The following MTERF4 variants were observed in gnomAD, a reference collection of about 807,000 sequenced individuals.
The protein encoded by MTERF4 is mitochondrial transcription termination factor 4, also known as transcription termination factor 4, mitochondrial.
A neutral mutation model predicts 22.5 loss-of-function variants in MTERF4; 17 were observed. That is an observed-to-expected ratio of 0.75 (90% CI 0.52 to 1.13). The LOEUF is 1.13. MTERF4 is among the 50% of genes most tolerant of loss of function. MTERF4 has a pLI of 0.00. For missense variants in MTERF4, 420 were observed against 466.8 expected (o/e 0.90, Z 0.92); for synonymous variants, 165 against 175.3 (o/e 0.94, Z 0.47).
downstream of MTERF4, among the ~76,000 whole-genome samples, chr2:241,086,467 A>G (rs10188678): frequency 0.17 from 25,219 of 152,042 alleles, 2,999 homozygotes; most frequent in African/African-American, 0.34. Flanking sequence ...CTGTGATGCC[A>G]TCCAAAAACT....
chr2:241,081,912 G>A, intron 4 of MTERF4: 1 of 757,910 alleles, frequency 1.3e-6, no homozygotes, highest in Non-Finnish European at 2.2e-6. Flanking sequence ...TGCCAGACAG[G>A]GAGTCTGGTG....
chr2:241,101,995 G>A lies in MTERF4; in HGVS notation c.21+258C>T, dbSNP rs1319628729. ...TTGAACCCGGGAGGCGGAGGTTGCA[G>A]TGAGCCGAGATCGCGCCATTGCACT... is the stretch of plus-strand genomic sequence containing the variant. On this transcript the variant is annotated intron_variant, in intron 1 of 3. Coordinates refer to ENST00000391980, the MANE Select transcript of MTERF4 (RefSeq NM_182501.4). 5.4e-6 allele frequency: 3 copies of A among 557,312 alleles called. No homozygotes were observed. In the African/African-American group the frequency reaches 6.0e-5, roughly 11 times the overall value. The allele number at this position is 557,312 out of a possible 1,614,324, so 34.5% of individuals were successfully genotyped here.
downstream of MTERF4, chr2:241,093,294 C>T (rs16843245): frequency 0.087 from 13,260 of 152,692 alleles, 680 homozygotes; most frequent in African/African-American, 0.14. Context: ...TGGGACCTGT[C>T]ACTGTTTGTC....
chr2:241,056,580 A>ATTTTTTTTTTTTTTTTTTTTTTT, the MTERF4 span, among the ~76,000 whole-genome samples: 1 of 111,224 alleles, frequency 9.0e-6, no homozygotes, highest in Non-Finnish European at 1.7e-5. Context: ...AATAAGTGAA[A>ATTTTTTTTTTTTTTTTTTTTTTT]TTTTTTTTTT....
chr2:241,050,650 A>G, the MTERF4 span, among the ~76,000 whole-genome samples: 2 of 152,198 alleles, frequency 1.3e-5, no homozygotes, highest in African/African-American at 2.4e-5. Context: ...CAGCAGAGGT[A>G]GAACAGGTTT....
At chr2:241,090,284 G>A (rs766472598), downstream of MTERF4, 20 of 1,546,424 alleles carry the variant, frequency 1.3e-5, no homozygotes, top group Non-Finnish European at 1.6e-5. Context: ...CTACACAGGG[G>A]CAGGATCATC....
At chr2:241,082,362 C>A, downstream of MTERF4, 1 of 1,612,356 alleles carries the variant, frequency 6.2e-7, no homozygotes, top group Non-Finnish European at 8.5e-7. Flanking sequence ...TCTGTCACCA[C>A]GTGTAAGTTG....
At chr2:241,051,949 G>A in the MTERF4 span, 1 of 1,482,386 alleles carries the variant, frequency 6.7e-7, no homozygotes, top group Non-Finnish European at 9.2e-7. The surrounding 1 kb of genome is among the most constrained non-coding windows in gnomAD (Gnocchi z 4.7). Context: ...CCAGCTGTGG[G>A]TCTGCTTCTC....
At chr2:241,081,762 G>A (rs750422305) in intron 4 of MTERF4, 3 of 1,601,932 alleles carry the variant, frequency 1.9e-6, no homozygotes, top group Non-Finnish European at 2.6e-6. Context: ...GTGACTGCGG[G>A]CCAGGGTTCA....
chr2:241,095,961 A>G lies in MTERF4; in HGVS notation c.*37T>C. 6.3e-7 allele frequency: 1 copy of G among 1,576,446 alleles called. No individual in the cohort carries two copies. The highest frequency in any genetic ancestry group is 2.3e-5 in the East Asian group (1 of 44,408). On this transcript the variant is annotated 3_prime_UTR_variant, in exon 4 of 4. Coordinates refer to ENST00000391980, the MANE Select transcript of MTERF4 (RefSeq NM_182501.4). ...TAAGAGAATGAAAAGCTTCCTTGAT[A>G]TCTCTGGGCCCTTTCGCTCTAGTCC...
At chr2:241,064,808 C>T in the MTERF4 span, 39 of 1,453,856 alleles carry the variant, frequency 2.7e-5, no homozygotes, top group South Asian at 1.3e-4. The surrounding 1 kb of genome is among the most constrained non-coding windows in gnomAD (Gnocchi z 7.0). Flanking sequence ...CCCCTGGCCA[C>T]GCCCCAACAT....
At chr2:241,057,094 A>C in the MTERF4 span, among the ~76,000 whole-genome samples, 4 of 151,724 alleles carry the variant, frequency 2.6e-5, no homozygotes. Context: ...AAATATTGAA[A>C]TAGGTTGGGT....
chr2:241,057,485 C>T, the MTERF4 span, among the ~76,000 whole-genome samples: 1 of 149,348 alleles, frequency 6.7e-6, no homozygotes, highest in East Asian at 2.0e-4. Context: ...CAGTTCAAGA[C>T]CAGTCTGGGC....
intron 4 of MTERF4, among the ~76,000 whole-genome samples, chr2:241,082,088 C>T (rs529028866): frequency 6.6e-6 from 1 of 152,272 alleles, no homozygotes; most frequent in East Asian, 1.9e-4. Context: ...ACTCTCCACC[C>T]CCACAATACC....
chr2:241,063,413 C>T, the MTERF4 span: 5 of 622,574 alleles, frequency 8.0e-6, no homozygotes, highest in African/African-American at 7.3e-5. Context: ...AGGTGGCACG[C>T]CTCCCGAGGA....
At chr2:241,048,817 C>A in the MTERF4 span, 1 of 1,459,802 alleles carries the variant, frequency 6.9e-7, no homozygotes, top group Non-Finnish European at 9.5e-7. Flanking sequence ...TCCTCATAAT[C>A]GGGAAATGAA....
the MTERF4 span, chr2:241,065,470 G>T: frequency 1.2e-6 from 2 of 1,612,984 alleles, no homozygotes; most frequent in Admixed American, 3.3e-5. Flanking sequence ...GACAGGACCC[G>T]CTCCTCGCAC....
the MTERF4 span, chr2:241,053,078 T>C: frequency 7.0e-7 from 1 of 1,426,418 alleles, no homozygotes; most frequent in East Asian, 2.5e-5. Context: ...TGCAGTCGGG[T>C]CGGGCAGAGG....
At chr2:241,070,259 G>A, downstream of MTERF4, 3 of 1,517,498 alleles carry the variant, frequency 2.0e-6, no homozygotes, top group Non-Finnish European at 2.6e-6. Flanking sequence ...CCTCCACCCT[G>A]TTCAGGACTG....
Sources: allele counts gnomAD v4.1 joint callset (sites outside exome capture counted in the v4.1 genomes callset), GRCh38; gene constraint gnomAD v4.1.1; non-coding constraint Gnocchi (gnomAD v3.1); transcripts MANE v1.5; gene names NCBI Gene and HGNC (gene_info 2026-07-23, HGNC 2026-07-21).